KCNIP4: variants seen among roughly 807,000 people sequenced by gnomAD.
The protein encoded by KCNIP4 is Kv channel-interacting protein 4.
Under a neutral mutation model 34.0 loss-of-function variants are expected in KCNIP4, and 12 were observed. That is an observed-to-expected ratio of 0.35 (90% CI 0.23 to 0.57). KCNIP4 has a LOEUF of 0.57. Ranked by LOEUF, KCNIP4 falls within the 20% of genes least tolerant of loss-of-function variation. KCNIP4 has a pLI of 0.83. For synonymous variants in KCNIP4, 124 were observed against 102.2 expected (o/e 1.21, Z -1.29); for missense variants, 238 against 311.7 (o/e 0.76, Z 1.78).
chr4:21,249,400 G>A (rs932594851), intron 1 of KCNIP4, among the ~76,000 whole-genome samples: 1 of 152,088 alleles, frequency 6.6e-6, no homozygotes, highest in East Asian at 1.9e-4. Context: ...GGGTAAAAGC[G>A]ATGGTATGTA....
intron 1 of KCNIP4, among the ~76,000 whole-genome samples, chr4:21,134,387 CAT>C (rs1468265380): frequency 6.6e-6 from 1 of 152,164 alleles, no homozygotes; most frequent in Non-Finnish European, 1.5e-5. Flanking sequence ...ATACAATACA[CAT>C]AGCATACAAA....
chr4:21,028,238 C>T (rs980372077), intron 1 of KCNIP4, among the ~76,000 whole-genome samples: 5 of 152,066 alleles, frequency 3.3e-5, no homozygotes, highest in African/African-American at 1.2e-4. Context: ...TAATAGCTTC[C>T]TAGCACGTCT....
intron 1 of KCNIP4, among the ~76,000 whole-genome samples, chr4:21,500,913 A>T (rs1733269362): frequency 6.6e-6 from 1 of 152,246 alleles, no homozygotes; most frequent in Admixed American, 6.5e-5. Context: ...GTGCACTATG[A>T]TGTACATCAC....
chr4:20,956,082 C>T (rs796294315), intron 1 of KCNIP4, among the ~76,000 whole-genome samples: 5 of 152,268 alleles, frequency 3.3e-5, no homozygotes, highest in African/African-American at 1.2e-4. Flanking sequence ...TTTGATTAGA[C>T]CTTTTTTGAC....
At chr4:21,935,989 T>C (rs1217522523) in intron 1 of KCNIP4, among the ~76,000 whole-genome samples, 1 of 150,240 alleles carries the variant, frequency 6.7e-6, no homozygotes, top group Non-Finnish European at 1.5e-5. Flanking sequence ...TGCGCACATG[T>C]ATAGCTACAC....
intron 1 of KCNIP4, among the ~76,000 whole-genome samples, chr4:21,753,021 T>C (rs534748672): frequency 2.6e-5 from 4 of 152,314 alleles, no homozygotes; most frequent in African/African-American, 9.6e-5. Flanking sequence ...CCAAGCATTG[T>C]GCCTTTCTGG....
At chr4:21,290,779 A>G (rs1262475856) in intron 1 of KCNIP4, among the ~76,000 whole-genome samples, 2 of 152,148 alleles carry the variant, frequency 1.3e-5, no homozygotes, top group African/African-American at 2.4e-5. Context: ...AGGAAACCAC[A>G]TTGGTTATGA....
chr4:20,960,942 A>G (rs1436992734), intron 1 of KCNIP4, among the ~76,000 whole-genome samples: 1 of 152,218 alleles, frequency 6.6e-6, no homozygotes, highest in Non-Finnish European at 1.5e-5. Context: ...AGGCACTTAT[A>G]TCAGAGTTTT....
At chr4:21,349,847 A>G (rs17521122) in intron 1 of KCNIP4, among the ~76,000 whole-genome samples, 15,213 of 152,206 alleles carry the variant, frequency 0.1, 847 homozygotes, top group Middle Eastern at 0.13. Context: ...GGGTACAAGC[A>G]CAAGGGCTAG....
At chr4:21,834,488 T>C (rs1723194236) in intron 1 of KCNIP4, among the ~76,000 whole-genome samples, 1 of 152,178 alleles carries the variant, frequency 6.6e-6, no homozygotes, top group Admixed American at 6.5e-5. Context: ...TAAGGAGATT[T>C]TGGGCTGAGA....
chr4:20,815,417 T>C (rs916244006), intron 3 of KCNIP4, among the ~76,000 whole-genome samples: 7 of 152,122 alleles, frequency 4.6e-5, no homozygotes, highest in African/African-American at 1.7e-4. Flanking sequence ...TCCCATGTTA[T>C]TACTCAGATA....
intron 1 of KCNIP4, among the ~76,000 whole-genome samples, chr4:21,250,184 A>T (rs1760596749): frequency 6.7e-6 from 1 of 150,008 alleles, no homozygotes; most frequent in African/African-American, 2.5e-5. Flanking sequence ...AAGTATCCAG[A>T]CAACTACACT....
At chr4:20,752,025 T>C (rs377238112) in intron 4 of KCNIP4, among the ~76,000 whole-genome samples, 5 of 151,500 alleles carry the variant, frequency 3.3e-5, no homozygotes, top group East Asian at 1.9e-4. Context: ...ATCTACAAAA[T>C]GATAACAATA....
intron 1 of KCNIP4, among the ~76,000 whole-genome samples, chr4:21,229,172 C>A (rs1159488119): frequency 6.6e-6 from 1 of 152,154 alleles, no homozygotes; most frequent in Non-Finnish European, 1.5e-5. Context: ...CATCATTTCC[C>A]AGTGCCCTGA....
chr4:20,794,317 T>C (rs1293550377), intron 3 of KCNIP4, among the ~76,000 whole-genome samples: 1 of 152,124 alleles, frequency 6.6e-6, no homozygotes, highest in African/African-American at 2.4e-5. Context: ...ATGTGAGCAA[T>C]TGGAAGTGGC....
chr4:21,111,599 C>A (rs951689671), intron 1 of KCNIP4, among the ~76,000 whole-genome samples: 1 of 152,172 alleles, frequency 6.6e-6, no homozygotes, highest in African/African-American at 2.4e-5. Context: ...CCAAACTCAG[C>A]GTGGCACTAG....
At chr4:21,758,254 A>G (rs1315203981) in intron 1 of KCNIP4, among the ~76,000 whole-genome samples, 3 of 152,230 alleles carry the variant, frequency 2.0e-5, no homozygotes, top group Non-Finnish European at 2.9e-5. Flanking sequence ...GTTCTCATGA[A>G]ACTATGTCTG....
At chr4:21,085,757 C>T (rs1746371255) in intron 1 of KCNIP4, among the ~76,000 whole-genome samples, 1 of 152,102 alleles carries the variant, frequency 6.6e-6, no homozygotes, top group Non-Finnish European at 1.5e-5. Context: ...TGGAGGAAAG[C>T]CAATATAAAT....
chr4:21,583,961 C>G (rs150367818), intron 1 of KCNIP4, among the ~76,000 whole-genome samples: 2 of 152,144 alleles, frequency 1.3e-5, no homozygotes, highest in African/African-American at 4.8e-5. Flanking sequence ...AAACATGCCT[C>G]ACTCATCCTC....
Sources: allele counts gnomAD v4.1 joint callset (sites outside exome capture counted in the v4.1 genomes callset), GRCh38; gene constraint gnomAD v4.1.1; transcripts MANE v1.5; gene names NCBI Gene and HGNC (gene_info 2026-07-23, HGNC 2026-07-21).